Variants in SATL1 observed in about 807,000 individuals in gnomAD.
SATL1 encodes spermidine/spermine N(1)-acetyltransferase-like protein 1.
SATL1 carries 47 observed loss-of-function variants against 51.8 expected under a neutral mutation model. The observed-to-expected ratio is 0.91, with a 90% CI of 0.72 to 1.16. The LOEUF is 1.16. Among genes scored for constraint, SATL1 ranks in the 50% most tolerant of loss-of-function variants. The pLI is 0.00. For synonymous variants in SATL1, 176 were observed against 182.4 expected (o/e 0.97, Z 0.28); for missense variants, 520 against 526.4 (o/e 0.99, Z 0.12).
chrX:85,218,123 G>A (rs1403836162), intron 2 of SATL1, among the ~76,000 whole-genome samples: 2 of 103,715 alleles, frequency 1.9e-5, no homozygotes, highest in African/African-American at 3.9e-5. Flanking sequence ...TTAGAGTGGA[G>A]AGTAGAAGGG....
At chrX:85,191,153 T>C (rs773701186) in intron 2 of SATL1, among the ~76,000 whole-genome samples, 1 of 111,237 alleles carries the variant, frequency 9.0e-6, no homozygotes, top group African/African-American at 3.3e-5. Flanking sequence ...CCATTATTTA[T>C]GCAATTGTGT....
chrX:85,093,394 A>G, intron 6 of SATL1, 169 bp from the exon 7 acceptor site: 1 of 455,987 alleles, frequency 2.2e-6, no homozygotes, highest in South Asian at 4.6e-5. Context: ...TCCTAATTGG[A>G]ATGACGTACC....
At chrX:85,140,801 G>T (rs1275460462) in intron 2 of SATL1, among the ~76,000 whole-genome samples, 2 of 111,361 alleles carry the variant, frequency 1.8e-5, no homozygotes, top group African/African-American at 6.5e-5. Context: ...TTTTTCAAAG[G>T]CATTTTGGTT....
chrX:85,136,330 A>G (rs1925953956), intron 2 of SATL1, among the ~76,000 whole-genome samples: 1 of 112,004 alleles, frequency 8.9e-6, no homozygotes, highest in African/African-American at 3.2e-5. Context: ...AGATGAAGAC[A>G]TAATCACAGT....
intron 2 of SATL1, among the ~76,000 whole-genome samples, chrX:85,152,532 G>A (rs1662840486): frequency 9.0e-6 from 1 of 111,286 alleles, no homozygotes; most frequent in South Asian, 3.8e-4. Context: ...GTTTATTGCG[G>A]CACTATTCAC....
intron 1 of SATL1, among the ~76,000 whole-genome samples, chrX:85,230,159 T>C (rs1043869846): frequency 9.8e-5 from 11 of 111,861 alleles, no homozygotes; most frequent in African/African-American, 2.6e-4. Context: ...TCACATTTCC[T>C]GATTTCAATA....
chrX:85,109,275 C>T lies in SATL1; in HGVS notation c.-307G>A. 3.0e-6 allele frequency: 1 copy of T among 332,968 alleles called. No individual in the cohort carries two copies. Among genetic ancestry groups the T allele is most frequent in the South Asian group, 6.3e-5 (1 of 15,815 alleles). The allele number at this position is 332,968 out of a possible 1,213,427, so 27.4% of individuals were successfully genotyped here. On this transcript the variant is annotated 5_prime_UTR_variant, in exon 3 of 8. Transcript: ENST00000644105. ...GCTGAGTTTCAGGTTGTCATCTGGC[C>T]TTTCCCTGCCAAAAGGGGGGAAGTA...
Position 85,096,874 on chromosome X carries a change from A to G in SATL1, c.1694-1878T>C, listed in dbSNP as rs898770647. Among the ~76,000 whole-genome samples, 118 of 88,028 alleles carry G rather than the reference A, an allele frequency of 1.3e-3. 3 individuals carry two copies. Among genetic ancestry groups the G allele is most frequent in the African/African-American group, 4.6e-3 (109 of 23,849 alleles). The allele number at this position is 88,028 out of a possible 115,157, so 76.4% of individuals were successfully genotyped here. A position where few individuals can be genotyped will look rare whatever the true frequency, so the allele number is the denominator to read the frequency against. On this transcript the variant is annotated intron_variant, in intron 4 of 7. Coordinates refer to ENST00000644105, the MANE Select transcript of SATL1 (RefSeq NM_001367857.2). ...ACCCCAGCCCCCTCAAAAAAAAAAA[A>G]GAAAGAAACTGAAGGAATTCATTAC...
chrX:85,113,020 G>A (rs753172050), intron 2 of SATL1, among the ~76,000 whole-genome samples: 59 of 111,190 alleles, frequency 5.3e-4, no homozygotes, highest in Non-Finnish European at 1.0e-3. Context: ...TTCTGACAGC[G>A]CGGGGCTGGT....
intron 2 of SATL1, among the ~76,000 whole-genome samples, chrX:85,137,955 T>A (rs1926003970): frequency 8.9e-6 from 1 of 112,151 alleles, no homozygotes; most frequent in African/African-American, 3.2e-5. Context: ...ATCAAAAACA[T>A]TCTTCACTTC....
At chrX:85,193,366 G>A (rs937640646) in intron 2 of SATL1, among the ~76,000 whole-genome samples, 1 of 111,346 alleles carries the variant, frequency 9.0e-6, no homozygotes, top group Admixed American at 9.6e-5. Flanking sequence ...AGCTACCCAG[G>A]CGAAGAAGAA....
chrX:85,163,724 C>T (rs1926771828), intron 2 of SATL1, among the ~76,000 whole-genome samples: 1 of 111,516 alleles, frequency 9.0e-6, no homozygotes, highest in Non-Finnish European at 1.9e-5. Flanking sequence ...GAAAAGAATG[C>T]ATATTCTGCA....
At chrX:85,152,561 C>G (rs766692298) in intron 2 of SATL1, among the ~76,000 whole-genome samples, 5,364 of 111,108 alleles carry the variant, frequency 0.048, 367 homozygotes, top group African/African-American at 0.17. Context: ...AGACTTGGAA[C>G]CAACCCAAAT....
chrX:85,211,388 T>C (rs1030218037), intron 2 of SATL1: 1 of 111,460 alleles, frequency 9.0e-6, no homozygotes, highest in Admixed American at 9.5e-5. Context: ...ATTCTTGCAA[T>C]TTAGTCTTTA....
At chrX:85,194,634 C>G (rs927631826) in intron 2 of SATL1, among the ~76,000 whole-genome samples, 6 of 110,233 alleles carry the variant, frequency 5.4e-5, no homozygotes, top group African/African-American at 2.0e-4. Flanking sequence ...AAATGTCCAT[C>G]AGTGATAGAC....
chrX:85,149,188 T>G, intron 2 of SATL1, among the ~76,000 whole-genome samples: 1 of 111,252 alleles, frequency 9.0e-6, no homozygotes, highest in South Asian at 3.8e-4. Flanking sequence ...AAACAGACTT[T>G]AAACCAACAA....
intron 2 of SATL1, among the ~76,000 whole-genome samples, chrX:85,112,967 A>T (rs1925294131): frequency 9.0e-6 from 1 of 111,415 alleles, no homozygotes; most frequent in African/African-American, 3.3e-5. Context: ...TTCTTTGGGG[A>T]AAATGAATGA....
At chrX:85,202,658 G>A (rs893042235) in intron 2 of SATL1, among the ~76,000 whole-genome samples, 5 of 112,070 alleles carry the variant, frequency 4.5e-5, no homozygotes, top group East Asian at 2.8e-4. Context: ...AATCCATAGC[G>A]ATGCAGGTCA....
chrX:85,189,046 T>C (rs1351884480), intron 2 of SATL1, among the ~76,000 whole-genome samples: 2 of 112,624 alleles, frequency 1.8e-5, no homozygotes, highest in African/African-American at 3.2e-5. Context: ...AATTTAGCCA[T>C]TAAAGTGATC....
Sources: allele counts gnomAD v4.1 joint callset (sites outside exome capture counted in the v4.1 genomes callset), GRCh38; gene constraint gnomAD v4.1.1; transcripts MANE v1.5; gene names NCBI Gene and HGNC (gene_info 2026-07-23, HGNC 2026-07-21).